ESRRG: variants seen among roughly 807,000 people sequenced by gnomAD.
The protein encoded by ESRRG is estrogen-related receptor gamma.
A neutral mutation model predicts 44.0 loss-of-function variants in ESRRG; 13 were observed. The observed-to-expected ratio is 0.30, with a 90% confidence interval of 0.19 to 0.47. The LOEUF (loss-of-function observed/expected upper bound fraction) is 0.47, where lower values mean the gene tolerates loss of function less well. Ranked by LOEUF, ESRRG falls within the 20% of genes least tolerant of loss-of-function variation. The pLI is 1.00. For missense variants in ESRRG, 395 were observed against 580.6 expected (o/e 0.68, Z 3.29); for synonymous variants, 215 against 214.6 (o/e 1.00, Z -0.02).
Position 216,656,447 on chromosome 1 carries a change from C to T in ESRRG, c.473-5358G>A, listed in dbSNP as rs1229154067. Among the ~76,000 whole-genome samples, 4 of 152,276 alleles carry T rather than the reference C, an allele frequency of 2.6e-5. No individual in the cohort carries two copies. In the Middle Eastern group the frequency reaches 0.01, roughly 388 times the overall value. On this transcript the variant is annotated intron_variant, in intron 2 of 6. Coordinates refer to ENST00000408911, the MANE Select transcript of ESRRG (RefSeq NM_001438.4). Reference sequence around the variant, plus strand: ...TTCAAAAAGTCCCGGGCTCTGATTACTTATTTCAGAGTCTTTTGTGCAATT... The same window carrying T: ...TTCAAAAAGTCCCGGGCTCTGATTATTTATTTCAGAGTCTTTTGTGCAATT...
At chr1:216,933,539 T>C (rs868224215) in intron 2 of ESRRG, among the ~76,000 whole-genome samples, 5 of 152,150 alleles carry the variant, frequency 3.3e-5, no homozygotes, top group Non-Finnish European at 7.4e-5. Flanking sequence ...ATGGTGAACA[T>C]GGAGCTGATG....
chr1:217,065,081 A>G (rs185114829), intron 1 of ESRRG, among the ~76,000 whole-genome samples: 7 of 152,314 alleles, frequency 4.6e-5, no homozygotes, highest in African/African-American at 1.4e-4. Flanking sequence ...ATTAAGAAAA[A>G]GGCAGAGGTG....
chr1:216,994,581 C>T (rs1382711196), intron 1 of ESRRG, among the ~76,000 whole-genome samples: 5 of 151,988 alleles, frequency 3.3e-5, no homozygotes, highest in Admixed American at 2.6e-4. Context: ...CCTAACCGTT[C>T]GACAACTTCT....
At chr1:216,569,750 A>T (rs2060442683) in intron 3 of ESRRG, among the ~76,000 whole-genome samples, 1 of 152,326 alleles carries the variant, frequency 6.6e-6, no homozygotes, top group African/African-American at 2.4e-5. Context: ...TTCGTTGTAC[A>T]TATTTTGGCA....
chr1:216,779,113 T>C lies in ESRRG; in HGVS notation c.-13-101622A>G, dbSNP rs900210255. 3.8e-4 allele frequency among the ~76,000 whole-genome samples: 47 copies of C among 125,186 alleles called. 1 individual carries two copies. Among genetic ancestry groups the C allele is most frequent in the Middle Eastern group, 7.8e-3 (2 of 256 alleles). 82.1% of individuals were successfully genotyped at this position (125,186 alleles called of 152,430 possible). A position where few individuals can be genotyped will look rare whatever the true frequency, so the allele number is the denominator to read the frequency against. On this transcript the variant is annotated intron_variant, in intron 2 of 7. Transcript: ENST00000359162. ...TGGAGGCTTAAACTATATATATATATATATAATTATATATGTAAATATAAA... is the reference window on the plus strand; with the variant it reads ...TGGAGGCTTAAACTATATATATATACATATAATTATATATGTAAATATAAA...
intron 1 of ESRRG, among the ~76,000 whole-genome samples, chr1:216,722,476 A>C (rs2086561146): frequency 6.7e-6 from 1 of 149,224 alleles, no homozygotes; most frequent in African/African-American, 2.5e-5. Flanking sequence ...AATACTAATT[A>C]AACTGCTTGT....
At chr1:216,864,900 C>T (rs951423073) in intron 2 of ESRRG, 3 of 152,070 alleles carry the variant, frequency 2.0e-5, no homozygotes, top group East Asian at 1.9e-4. Flanking sequence ...GGGCTTCTGA[C>T]TTCCAGATTC....
rs545309130 is a variant in ESRRG, at chr1:216,687,289, C to T, written c.57-9798G>A. ...TTACGTTTTTGGTGGGAGGCGTTGGCGGAAGGGCAATTCCCTGCAATCAGT... is the reference window on the plus strand; with the variant it reads ...TTACGTTTTTGGTGGGAGGCGTTGGTGGAAGGGCAATTCCCTGCAATCAGT... On this transcript the variant is annotated intron_variant, in intron 1 of 6. Coordinates refer to ENST00000408911, the MANE Select transcript of ESRRG (RefSeq NM_001438.4). Among the ~76,000 whole-genome samples the T allele has an allele frequency of 3.9e-5, 6 of 152,020 alleles. No homozygotes were observed. The South Asian group carries it at 1.3e-3, about 32-fold the overall frequency.
chr1:216,969,884 C>T (rs1000594754), intron 1 of ESRRG, among the ~76,000 whole-genome samples: 1 of 152,114 alleles, frequency 6.6e-6, no homozygotes, highest in African/African-American at 2.4e-5. Context: ...CGGTGCCCAG[C>T]TGAAATTTTC....
intron 1 of ESRRG, among the ~76,000 whole-genome samples, chr1:217,045,587 C>T (rs890092003): frequency 1.3e-5 from 2 of 152,310 alleles, no homozygotes; most frequent in African/African-American, 2.4e-5. Context: ...TGAGGAGGCA[C>T]GAGGTTGCCC....
intron 1 of ESRRG, among the ~76,000 whole-genome samples, chr1:216,706,085 ATGT>A (rs755118230): frequency 1.3e-5 from 2 of 152,138 alleles, no homozygotes; most frequent in Non-Finnish European, 2.9e-5. Context: ...CTGATGTTTC[ATGT>A]TGTTGCTTTG....
chr1:216,703,593 T>A (rs2081860042), intron 1 of ESRRG, among the ~76,000 whole-genome samples: 1 of 152,166 alleles, frequency 6.6e-6, no homozygotes, highest in Non-Finnish European at 1.5e-5. Context: ...TTTTGCTTTT[T>A]TTTTTAAGTG....
chr1:217,088,055 A>G (rs1440668049), intron 1 of ESRRG, among the ~76,000 whole-genome samples: 1 of 152,020 alleles, frequency 6.6e-6, no homozygotes, highest in African/African-American at 2.4e-5. Flanking sequence ...GACAGGAAAA[A>G]AAAAAAAGAG....
At chr1:216,730,305 T>TAAAAAAAAAAAAAAAAAAAAAAAAAAAG in intron 2 of ESRRG, among the ~76,000 whole-genome samples, 1 of 121,458 alleles carries the variant, frequency 8.2e-6, no homozygotes. Context: ...CTTAGAAAGG[T>TAAAAAAAAAAAAAAAAAAAAAAAAAAAG]AAAAAAAAAA....
chr1:216,799,276 A>T (rs954380450), intron 2 of ESRRG, among the ~76,000 whole-genome samples: 1 of 151,818 alleles, frequency 6.6e-6, no homozygotes, highest in Non-Finnish European at 1.5e-5. Context: ...AACATTTCAC[A>T]TTCAGCAGAA....
chr1:216,735,206 C>A (rs1053512366), intron 2 of ESRRG, among the ~76,000 whole-genome samples: 1 of 150,504 alleles, frequency 6.6e-6, no homozygotes, highest in African/African-American at 2.4e-5. Context: ...CCATGCCCAG[C>A]CTCATTGTTT....
intron 1 of ESRRG, among the ~76,000 whole-genome samples, chr1:217,131,084 T>C (rs558296659): frequency 1.3e-5 from 2 of 152,244 alleles, no homozygotes; most frequent in South Asian, 2.1e-4. Flanking sequence ...GCAGATTCAG[T>C]TGGATTAGAG....
At chr1:216,960,560 C>T (rs989792437) in intron 1 of ESRRG, among the ~76,000 whole-genome samples, 8 of 149,916 alleles carry the variant, frequency 5.3e-5, no homozygotes, top group South Asian at 4.3e-4. Context: ...TTCAATACTA[C>T]GCTTTTATGA....
At chr1:216,644,565 A>G (rs562646934) in intron 3 of ESRRG, among the ~76,000 whole-genome samples, 1 of 151,848 alleles carries the variant, frequency 6.6e-6, no homozygotes, top group Admixed American at 6.6e-5. Flanking sequence ...AGTAGCTGAG[A>G]CTACAGGTGT....
Sources: gnomAD v4.1 joint callset for allele counts (sites outside exome capture counted in the v4.1 genomes callset) on GRCh38, gnomAD v4.1.1 for gene constraint, MANE v1.5 for transcripts, NCBI Gene and HGNC (gene_info 2026-07-23, HGNC 2026-07-21) for gene names.